IQGAP2: variants seen among roughly 807,000 people sequenced by gnomAD.
IQGAP2 encodes the protein IQ motif containing GTPase activating protein 2.
In IQGAP2, 173 loss-of-function variants were observed where a neutral mutation model predicts 201.3. The ratio of observed to expected loss-of-function variants is 0.86; its 90% confidence interval spans 0.76 to 0.98. The LOEUF (loss-of-function observed/expected upper bound fraction) is 0.98. Among genes scored for constraint, IQGAP2 ranks in the 50% least tolerant of loss-of-function variants. The probability of loss-of-function intolerance (pLI) is 0.00; values close to 1 mark genes in which losing one functional copy is unlikely to be tolerated. For missense variants in IQGAP2, 1,687 were observed against 1,864.8 expected, an observed-to-expected ratio of 0.90 and a Z score of 1.76; for synonymous variants, 675 against 673.9, an observed-to-expected ratio of 1.00 and a Z score of -0.03.
intron 16 of IQGAP2, among the ~76,000 whole-genome samples, chr5:76,638,346 T>A (rs1751307538): frequency 1.3e-5 from 2 of 151,976 alleles, no homozygotes; most frequent in South Asian, 4.2e-4. Flanking sequence ...ACCATTGCAC[T>A]CCAGCCTGGG....
chr5:76,489,045 G>C (rs1756354495), intron 2 of IQGAP2, among the ~76,000 whole-genome samples: 1 of 152,162 alleles, frequency 6.6e-6, no homozygotes, highest in Non-Finnish European at 1.5e-5. Context: ...GTAAAGCCAG[G>C]CTCCCAGCTC....
intron 2 of IQGAP2, among the ~76,000 whole-genome samples, chr5:76,466,191 A>G (rs1754766137): frequency 6.6e-6 from 1 of 152,196 alleles, no homozygotes; most frequent in South Asian, 2.1e-4. Context: ...AAAATTTTGA[A>G]TTAGCTAGAT....
At chr5:76,486,788 G>GTTTTGTTTGACACTGTAGCCACCA (rs1434549756) in intron 2 of IQGAP2, among the ~76,000 whole-genome samples, 6 of 152,026 alleles carry the variant, frequency 3.9e-5, no homozygotes, top group Admixed American at 3.9e-4. Flanking sequence ...GTTTTGTTTT[G>GTTTTGTTTGACACTGTAGCCACCA]TTTTGTTTGA....
intron 28 of IQGAP2, among the ~76,000 whole-genome samples, chr5:76,679,351 C>G (rs887811702): frequency 3.9e-5 from 6 of 152,274 alleles, no homozygotes; most frequent in East Asian, 3.9e-4. Flanking sequence ...GAGCTTGTGA[C>G]TGATTTGGAA....
intron 1 of IQGAP2, among the ~76,000 whole-genome samples, chr5:76,449,266 T>C (rs1191560628): frequency 6.6e-6 from 1 of 152,226 alleles, no homozygotes; most frequent in East Asian, 1.9e-4. Context: ...CCTTCAAACC[T>C]GACTTCAAAC....
intron 14 of IQGAP2, among the ~76,000 whole-genome samples, chr5:76,629,351 C>T (rs890374783): frequency 1.3e-5 from 2 of 152,164 alleles, no homozygotes; most frequent in Admixed American, 1.3e-4. Flanking sequence ...ATAAGCATCA[C>T]ACACACTCTC....
At chr5:76,520,206 TAA>T (rs1183664414) in intron 2 of IQGAP2, among the ~76,000 whole-genome samples, 1 of 152,168 alleles carries the variant, frequency 6.6e-6, no homozygotes, top group East Asian at 1.9e-4. Flanking sequence ...AATTTTTATA[TAA>T]GATGTAAGGT....
chr5:76,700,979 T>A, intron 33 of IQGAP2, 97 bp from the exon 34 acceptor site: 2 of 1,294,654 alleles, frequency 1.5e-6, no homozygotes, highest in Non-Finnish European at 1.1e-6. Flanking sequence ...GAGGGCCAGG[T>A]ATGAACAGCG....
intron 17 of IQGAP2, among the ~76,000 whole-genome samples, chr5:76,642,457 G>A (rs1200157207): frequency 2.0e-5 from 3 of 152,128 alleles, no homozygotes; most frequent in African/African-American, 4.8e-5. Context: ...ACCTCACCAC[G>A]CCTTTTTTTC....
chr5:76,438,676 C>A (rs966820982), intron 1 of IQGAP2, among the ~76,000 whole-genome samples: 9 of 152,148 alleles, frequency 5.9e-5, no homozygotes, highest in African/African-American at 2.2e-4. Context: ...CTCCTGACTT[C>A]AGGTGATCTA....
chr5:76,533,568 T>G (rs1478625579), intron 2 of IQGAP2, among the ~76,000 whole-genome samples: 1 of 151,916 alleles, frequency 6.6e-6, no homozygotes, highest in African/African-American at 2.4e-5. Context: ...TGAGATGGAG[T>G]CTCGCTCTGT....
At position 76,546,858 on chromosome 5, in the gene IQGAP2, CTG is replaced by C. The variant is rs369747525; in HGVS notation, c.147-15532_147-15531del. ...AAAAGTGGCCTACTGCTTATAAAGA[CTG>C]TGTGTCAGTGAAGAGGAAGAGGTGG... On this transcript the variant is annotated intron_variant, in intron 2 of 35. Coordinates refer to ENST00000274364, the MANE Select transcript of IQGAP2 (RefSeq NM_006633.5). Among the ~76,000 whole-genome samples the C allele has an allele frequency of 3.2e-4, 48 of 152,304 alleles. No homozygotes were observed. The East Asian group carries it at 9.1e-3, about 29-fold the overall frequency.
intron 1 of IQGAP2, among the ~76,000 whole-genome samples, chr5:76,409,181 C>T (rs1750968892): frequency 6.7e-6 from 1 of 150,006 alleles, no homozygotes; most frequent in Non-Finnish European, 1.5e-5. Context: ...TAAATAGATG[C>T]ATAAAGTTGA....
Position 76,636,279 on chromosome 5 carries a change from A to C in IQGAP2, c.1781-755A>C, listed in dbSNP as rs538732789. ...TTTAGCTCTCAGGTCTGGGGACCAG[A>C]ATTGTAACCATTCAACAAAATAAAC... On this transcript the variant is annotated intron_variant, in intron 15 of 35. Coordinates refer to ENST00000274364, the MANE Select transcript of IQGAP2 (RefSeq NM_006633.5). Among the ~76,000 whole-genome samples the C allele has an allele frequency of 5.3e-5, 8 of 152,324 alleles. No homozygotes were observed. The East Asian group carries it at 1.5e-3, about 29-fold the overall frequency.
intron 13 of IQGAP2, chr5:76,617,753 A>G (rs760425377): frequency 3.7e-6 from 6 of 1,613,910 alleles, no homozygotes; most frequent in Admixed American, 3.3e-5. Context: ...TAAGAATAAT[A>G]TTGCTTGGAG....
At chr5:76,457,642 C>A (rs10473983) in intron 1 of IQGAP2, among the ~76,000 whole-genome samples, 2 of 151,958 alleles carry the variant, frequency 1.3e-5, no homozygotes, top group African/African-American at 4.8e-5. Flanking sequence ...AATTAAACAG[C>A]GACCATGTCA....
At chr5:76,411,121 G>A (rs1110177) in intron 1 of IQGAP2, among the ~76,000 whole-genome samples, 1 of 152,162 alleles carries the variant, frequency 6.6e-6, no homozygotes, top group African/African-American at 2.4e-5. Flanking sequence ...CTGTGACGGG[G>A]TCTGCAGTCT....
chr5:76,618,392 A>C, intron 13 of IQGAP2: 1 of 1,614,226 alleles, frequency 6.2e-7, no homozygotes, highest in Non-Finnish European at 8.5e-7. Flanking sequence ...CACCAACTAC[A>C]AACACCAGGA....
Position 76,498,688 on chromosome 5 carries a change from A to G in IQGAP2, c.146+37019A>G, listed in dbSNP as rs189477143. Among the ~76,000 whole-genome samples, 516 of 152,312 alleles carry G rather than the reference A, an allele frequency of 3.4e-3. 2 individuals carry two copies. Among genetic ancestry groups the G allele is most frequent in the African/African-American group, 0.012 (493 of 41,568 alleles). ...TGCAAGCACTCAGTAAATGGCAGCT[A>G]CTGATGTGGTTTATGTTGGTTTTGG... On this transcript the variant is annotated intron_variant, in intron 2 of 35. Transcript: ENST00000274364.
Sources: allele counts gnomAD v4.1 joint callset (sites outside exome capture counted in the v4.1 genomes callset), GRCh38; gene constraint gnomAD v4.1.1; transcripts MANE v1.5; gene names NCBI Gene and HGNC (gene_info 2026-07-23, HGNC 2026-07-21).